COMMD2: variants seen among roughly 807,000 people sequenced by gnomAD.
COMMD2 encodes COMM domain-containing protein 2.
COMMD2 carries 25 observed loss-of-function variants against 22.5 expected under a neutral mutation model. The observed-to-expected ratio is 1.11, with a 90% CI of 0.81 to 1.55. COMMD2 has a LOEUF of 1.55. Among genes scored for constraint, COMMD2 ranks in the 40% most tolerant of loss-of-function variants. COMMD2 has a pLI of 0.00. For missense variants in COMMD2, 223 were observed against 232.9 expected, an observed-to-expected ratio of 0.96 and a Z score of 0.28; for synonymous variants, 98 against 91.2, an observed-to-expected ratio of 1.07 and a Z score of -0.42.
intron 4 of COMMD2, among the ~76,000 whole-genome samples, chr3:149,748,629 C>T (rs551757804): frequency 8.5e-5 from 13 of 152,176 alleles, no homozygotes; most frequent in African/African-American, 3.1e-4. Flanking sequence ...CTATAAAGAA[C>T]GAGATAATAT....
chr3:149,743,429 TA>T (rs1716290329), intron 4 of COMMD2, among the ~76,000 whole-genome samples: 1 of 152,202 alleles, frequency 6.6e-6, no homozygotes, highest in South Asian at 2.1e-4. Flanking sequence ...TCAAGAAGAC[TA>T]GATTCCAACT....
intron 4 of COMMD2, among the ~76,000 whole-genome samples, chr3:149,746,322 G>C (rs756769101): frequency 2.6e-5 from 4 of 152,128 alleles, no homozygotes; most frequent in Non-Finnish European, 4.4e-5. Flanking sequence ...AAGGAGAGGA[G>C]TCAAGGAAGA....
chr3:149,742,065 A>G (rs1716244838), intron 4 of COMMD2, among the ~76,000 whole-genome samples: 1 of 152,162 alleles, frequency 6.6e-6, no homozygotes, highest in Non-Finnish European at 1.5e-5. Flanking sequence ...CATATAACCA[A>G]AAAAAGATTA....
Position 149,752,201 on chromosome 3 carries a change from C to T in COMMD2, c.145+9G>A, listed in dbSNP as rs942742168. On this transcript the variant is annotated intron_variant, in intron 2 of 4. Transcript: ENST00000473414. ...GAAGCCTGCGGAGCCTTCCCCTTTC[C>T]CTTCTTACTGGCGGCGCCTTCGTAG... The T allele has an allele frequency of 3.1e-6, 5 of 1,613,066 alleles. No individual in the cohort carries two copies. Among genetic ancestry groups the T allele is most frequent in the Admixed American group, 1.7e-5 (1 of 59,954 alleles).
intron 3 of COMMD2, 70 bp downstream of exon 3, chr3:149,751,333 T>G (rs1716523475): frequency 6.2e-7 from 1 of 1,607,010 alleles, no homozygotes; most frequent in African/African-American, 1.3e-5. Flanking sequence ...CTGCCAGGAC[T>G]ATGATGTAGA....
At chr3:149,742,452 C>T (rs1345665780) in intron 4 of COMMD2, among the ~76,000 whole-genome samples, 3 of 151,858 alleles carry the variant, frequency 2.0e-5, no homozygotes, top group African/African-American at 7.3e-5. Context: ...TTTCCAAGAA[C>T]CAAAAATTAG....
intron 4 of COMMD2, among the ~76,000 whole-genome samples, chr3:149,743,598 T>C (rs1716292822): frequency 6.6e-6 from 1 of 152,194 alleles, no homozygotes; most frequent in Admixed American, 6.5e-5. Flanking sequence ...GGCTGAAATT[T>C]AATGTCCCCA....
At chr3:149,742,911 A>C (rs1310990455) in intron 4 of COMMD2, among the ~76,000 whole-genome samples, 1 of 150,912 alleles carries the variant, frequency 6.6e-6, no homozygotes, top group Non-Finnish European at 1.5e-5. Context: ...AGTTGTGGTG[A>C]GCCAAGATCG....
chr3:149,742,405 C>A (rs138040031), intron 4 of COMMD2, among the ~76,000 whole-genome samples: 19 of 152,078 alleles, frequency 1.2e-4, no homozygotes, highest in African/African-American at 4.3e-4. Context: ...TAGGCATATA[C>A]CTTAACCTCT....
At chr3:149,750,372 C>T in intron 4 of COMMD2, 1 of 469,782 alleles carries the variant, frequency 2.1e-6, no homozygotes, top group Non-Finnish European at 4.2e-6. Flanking sequence ...GACCTGTGCA[C>T]TTTTCTACAT....
In COMMD2 at chr3:149,740,691, T is replaced by C. The variant is rs1370401893; in HGVS notation, c.*830A>G. The C allele has an allele frequency of 6.6e-6, 1 of 152,202 alleles. No individual in the cohort carries two copies. Among genetic ancestry groups the C allele is most frequent in the Non-Finnish European group, 1.5e-5 (1 of 68,026 alleles). The allele number at this position is 152,202 out of a possible 1,614,324, so 9.4% of individuals were successfully genotyped here. On this transcript the variant is annotated 3_prime_UTR_variant, in exon 5 of 5. Coordinates refer to ENST00000473414, the MANE Select transcript of COMMD2 (RefSeq NM_016094.4). ...CAATATTCTGTGGCTATTAACACTGTGGGGTGTTTTTAAAAGTCAAAAATA... is the reference window on the plus strand; with the variant it reads ...CAATATTCTGTGGCTATTAACACTGCGGGGTGTTTTTAAAAGTCAAAAATA...
Position 149,741,645 on chromosome 3 carries a change from T to A in COMMD2, c.476A>T (p.Asp159Val), listed in dbSNP as rs1559853887. The part of the protein sequence containing the change: ...TIKLHLNQNG[D>V]HNTKVLQTDP... ...TGTCTGCAGAACTTTGGTGTTGTGA[T>A]CTCCATTTTGATTAAGGTGTAGCTT... The change falls in exon 5 of 5, where the codon GAT (aspartate) becomes GTT (valine). Residue 159 changes from aspartate (D) to valine (V), a missense_variant. Transcript: ENST00000473414. The A allele has an allele frequency of 6.2e-7, 1 of 1,614,064 alleles. No homozygotes were observed. Among genetic ancestry groups the A allele is most frequent in the Non-Finnish European group, 8.5e-7 (1 of 1,179,992 alleles).
chr3:149,741,482 C>G lies in COMMD2; in HGVS notation c.*39G>C. On this transcript the variant is annotated 3_prime_UTR_variant, in exon 5 of 5. Transcript: ENST00000473414. The stretch of plus-strand genomic sequence containing the variant: ...AAGTAATTGCTGTATATCATCAATT[C>G]ATAAGTGATTCAAATGAATTAAAAC... 6.6e-7 allele frequency: 1 copy of G among 1,504,814 alleles called. No homozygotes were observed. The highest frequency in any genetic ancestry group is 9.2e-7 in the Non-Finnish European group (1 of 1,081,170). 93.2% of individuals were successfully genotyped at this position (1,504,814 alleles called of 1,614,324 possible). A position where few individuals can be genotyped will look rare whatever the true frequency, so the allele number is the denominator to read the frequency against.
intron 4 of COMMD2, among the ~76,000 whole-genome samples, chr3:149,747,719 T>G (rs1168088033): frequency 6.6e-6 from 1 of 152,018 alleles, no homozygotes; most frequent in Admixed American, 6.5e-5. Context: ...GGTGGATCAC[T>G]TCAGGTCAGG....
At chr3:149,742,836 C>T (rs750163113) in intron 4 of COMMD2, among the ~76,000 whole-genome samples, 8 of 151,616 alleles carry the variant, frequency 5.3e-5, no homozygotes, top group African/African-American at 9.7e-5. Context: ...CATGGTGGCA[C>T]GCGCCTGTAG....
intron 4 of COMMD2, among the ~76,000 whole-genome samples, chr3:149,746,865 A>T (rs1716385520): frequency 6.6e-6 from 1 of 152,252 alleles, no homozygotes; most frequent in Non-Finnish European, 1.5e-5. Context: ...GAAACTTAGA[A>T]TCATGACAGA....
chr3:149,750,524 A>G (rs1018817313), intron 4 of COMMD2, 154 bp downstream of exon 4: 1 of 541,634 alleles, frequency 1.8e-6, no homozygotes, highest in African/African-American at 1.9e-5. Flanking sequence ...AATAAAAGAA[A>G]ATGAATGATT....
intron 4 of COMMD2, among the ~76,000 whole-genome samples, chr3:149,745,676 A>G (rs1716348004): frequency 6.6e-6 from 1 of 152,252 alleles, no homozygotes; most frequent in East Asian, 1.9e-4. Context: ...TTAATGGGAC[A>G]TAAGAAATTA....
chr3:149,749,273 A>G (rs190987994), intron 4 of COMMD2, among the ~76,000 whole-genome samples: 64 of 152,236 alleles, frequency 4.2e-4, no homozygotes, highest in Non-Finnish European at 7.1e-4. Flanking sequence ...CAAAGTGCTG[A>G]GCCACCGTGC....
Sources: allele counts gnomAD v4.1 joint callset (sites outside exome capture counted in the v4.1 genomes callset), GRCh38; gene constraint gnomAD v4.1.1; transcripts MANE v1.5; gene names NCBI Gene and HGNC (gene_info 2026-07-23, HGNC 2026-07-21).